Variants in MYO5A observed in about 807,000 individuals in gnomAD.
MYO5A encodes the protein myosin VA.
A neutral mutation model predicts 249.7 loss-of-function variants in MYO5A; 98 were observed. The ratio of observed to expected loss-of-function variants is 0.39; its 90% confidence interval spans 0.33 to 0.46. MYO5A has a LOEUF of 0.46. Among genes scored for constraint, MYO5A ranks in the 20% least tolerant of loss-of-function variants. The probability of loss-of-function intolerance (pLI) is 0.98; values close to 1 mark genes in which losing one functional copy is unlikely to be tolerated. For missense variants in MYO5A, 1,696 were observed against 2,308.8 expected (o/e 0.73, Z 5.44); for synonymous variants, 778 against 810.6 (o/e 0.96, Z 0.68).
Position 52,317,085 on chromosome 15 carries a change from G to C in MYO5A, c.5372C>G (p.Ala1791Gly). Residue 1791 changes from alanine to glycine, a missense_variant, in exon 40 of 42, where the codon GCC (alanine) becomes GGC (glycine). Physicochemically the swap from Ala to Gly is moderately conservative, Grantham distance 60 (BLOSUM62 0). Transcript: ENST00000399233. ...VKKKTDDDAE[A>G]ICSMCNALTT... Reference sequence around the variant, plus strand: ...TAAAGCATTGCACATAGAACAAATGGCTTCTGCATCATCATCTGTTTTCTT... The same window carrying C: ...TAAAGCATTGCACATAGAACAAATGCCTTCTGCATCATCATCTGTTTTCTT... 6.2e-7 allele frequency: 1 copy of C among 1,614,062 alleles called. No individual in the cohort carries two copies. The highest frequency in any genetic ancestry group is 1.1e-5 in the South Asian group (1 of 91,076).
At position 52,319,200 on chromosome 15, in the gene MYO5A, C is replaced by A; in HGVS notation, c.5094G>T (p.Ser1698=). ...SILRQLNSFH[S]VMCQHGMDPE... Reference sequence around the variant, plus strand: ...GGTCCATGCCATGCTGACACATGACCGAGTGGAAGGAGTTGAGCTGCCGGA... The same window carrying A: ...GGTCCATGCCATGCTGACACATGACAGAGTGGAAGGAGTTGAGCTGCCGGA... Residue 1698 remains serine (S), a synonymous_variant, in exon 39 of 42, where the codon TCG becomes TCT. Coordinates refer to ENST00000399233, the MANE Select transcript of MYO5A (RefSeq NM_001382347.1). The A allele has an allele frequency of 1.2e-6, 2 of 1,614,122 alleles. No individual in the cohort carries two copies. The highest frequency in any genetic ancestry group is 1.7e-6 in the Non-Finnish European group (2 of 1,180,032).
chr15:52,331,680 TCA>T, intron 34 of MYO5A: 1 of 985,442 alleles, frequency 1.0e-6, no homozygotes, highest in Non-Finnish European at 1.2e-6. Context: ...GAAGAGGTTA[TCA>T]CAGAGAACAT....
In MYO5A at chr15:52,346,503, A is replaced by G. The variant is rs148488746; in HGVS notation, c.3859-42T>C. 100 of 1,282,762 alleles carry G rather than the reference A, an allele frequency of 7.8e-5. 1 individual carries two copies. In the African/African-American group the frequency reaches 1.2e-3, roughly 15 times the overall value. The allele number at this position is 1,282,762 out of a possible 1,614,324, so 79.5% of individuals were successfully genotyped here. On this transcript the variant is annotated intron_variant, in intron 29 of 41. Coordinates refer to ENST00000399233, the MANE Select transcript of MYO5A (RefSeq NM_001382347.1). Reference sequence around the variant, plus strand: ...ACATTTACGCATTAAGATTCAACTCAAAAGCTTTGGACATAAAACACATTT... The same window carrying G: ...ACATTTACGCATTAAGATTCAACTCGAAAGCTTTGGACATAAAACACATTT...
intron 25 of MYO5A, among the ~76,000 whole-genome samples, chr15:52,355,874 G>T (rs1472409652): frequency 6.6e-6 from 1 of 152,178 alleles, no homozygotes; most frequent in Non-Finnish European, 1.5e-5. Flanking sequence ...CGACTGTATA[G>T]TTCTTAATAA....
chr15:52,416,035 T>A, intron 5 of MYO5A, 110 bp downstream of exon 5: 13 of 1,286,296 alleles, frequency 1.0e-5, no homozygotes, highest in Non-Finnish European at 1.3e-5. Context: ...TTTCTTAATT[T>A]TAGTGGCTGG....
intron 34 of MYO5A, chr15:52,331,877 C>T (rs1008601105): frequency 2.3e-5 from 23 of 984,990 alleles, no homozygotes; most frequent in Admixed American, 1.8e-4. Flanking sequence ...ATCAGGGCTA[C>T]GGCCATCTCC....
chr15:52,439,364 G>A (rs1446229617), intron 1 of MYO5A, among the ~76,000 whole-genome samples: 1 of 152,188 alleles, frequency 6.6e-6, no homozygotes, highest in Non-Finnish European at 1.5e-5. Context: ...CACTACTCTA[G>A]ATCTAGTCCC....
chr15:52,407,836 A>T (rs2043075221), intron 7 of MYO5A, among the ~76,000 whole-genome samples: 1 of 152,144 alleles, frequency 6.6e-6, no homozygotes, highest in Admixed American at 6.5e-5. Context: ...CTCATCTTAA[A>T]CAGCCATCTA....
At chr15:52,479,648 A>T (rs2076675437) in intron 1 of MYO5A, among the ~76,000 whole-genome samples, 1 of 152,224 alleles carries the variant, frequency 6.6e-6, no homozygotes, top group Non-Finnish European at 1.5e-5. Context: ...GCTGTAAAAC[A>T]TCATCATTGT....
chr15:52,456,812 A>G (rs1181521546), intron 1 of MYO5A, among the ~76,000 whole-genome samples: 1 of 152,212 alleles, frequency 6.6e-6, no homozygotes, highest in Non-Finnish European at 1.5e-5. Flanking sequence ...CATACACAAA[A>G]TATACATCAA....
chr15:52,335,828 T>C (rs1441051049), intron 34 of MYO5A, among the ~76,000 whole-genome samples: 1 of 152,228 alleles, frequency 6.6e-6, no homozygotes, highest in Non-Finnish European at 1.5e-5. Context: ...GACTCTATCA[T>C]ACTCATCTTA....
chr15:52,476,414 G>A (rs1387369998), intron 1 of MYO5A, among the ~76,000 whole-genome samples: 1 of 152,080 alleles, frequency 6.6e-6, no homozygotes, highest in Non-Finnish European at 1.5e-5. Context: ...TATTCTTATG[G>A]GTGAATTTGA....
intron 6 of MYO5A, 104 bp downstream of exon 6, chr15:52,410,229 A>G: frequency 7.5e-7 from 1 of 1,334,882 alleles, no homozygotes; most frequent in Non-Finnish European, 1.1e-6. Flanking sequence ...TATTGTCATA[A>G]TATGCTCAAG....
intron 12 of MYO5A, among the ~76,000 whole-genome samples, chr15:52,390,565 T>TTC (rs1166605401): frequency 6.7e-6 from 1 of 149,970 alleles, no homozygotes; most frequent in African/African-American, 2.5e-5. Flanking sequence ...TTTTTCTTTT[T>TTC]TTTTTTTTTT....
chr15:52,508,614 C>T (rs905113086), intron 1 of MYO5A, among the ~76,000 whole-genome samples: 1 of 152,066 alleles, frequency 6.6e-6, no homozygotes, highest in African/African-American at 2.4e-5. Context: ...GGCTATTATT[C>T]CCCGCCTCAC....
chr15:52,446,398 A>G (rs115430527), intron 1 of MYO5A, among the ~76,000 whole-genome samples: 46 of 152,300 alleles, frequency 3.0e-4, no homozygotes, highest in African/African-American at 1.1e-3. Context: ...AAAGTGAAGA[A>G]CGTTTGGCAG....
intron 1 of MYO5A, among the ~76,000 whole-genome samples, chr15:52,495,559 A>G (rs2077020975): frequency 6.6e-6 from 1 of 152,208 alleles, no homozygotes; most frequent in Non-Finnish European, 1.5e-5. Flanking sequence ...TCTCATCACA[A>G]AAGAAAGTGA....
chr15:52,433,987 T>C (rs982467307), intron 1 of MYO5A, among the ~76,000 whole-genome samples: 2 of 149,560 alleles, frequency 1.3e-5, no homozygotes, highest in African/African-American at 4.9e-5. Context: ...GATTTTTTTG[T>C]TCTTTCTTTT....
At chr15:52,494,646 C>A (rs1404904024) in intron 1 of MYO5A, among the ~76,000 whole-genome samples, 2 of 152,138 alleles carry the variant, frequency 1.3e-5, no homozygotes, top group African/African-American at 4.8e-5. Flanking sequence ...GCACACACCA[C>A]CACGTCCGGA....
Sources: allele counts gnomAD v4.1 joint callset (sites outside exome capture counted in the v4.1 genomes callset), GRCh38; gene constraint gnomAD v4.1.1; transcripts MANE v1.5; gene names NCBI Gene and HGNC (gene_info 2026-07-23, HGNC 2026-07-21).